Variants in RYR2 observed in about 807,000 individuals in gnomAD.
RYR2 encodes the protein cardiac muscle ryanodine receptor-calcium release channel.
RYR2 carries 227 observed loss-of-function variants against 601.1 expected under a neutral mutation model. The observed-to-expected ratio is 0.38, with a 90% confidence interval of 0.34 to 0.42. The LOEUF (loss-of-function observed/expected upper bound fraction) is 0.42. Among genes scored for constraint, RYR2 ranks in the 10% least tolerant of loss-of-function variants. RYR2 has a pLI of 1.00. For synonymous variants in RYR2, 2,223 were observed against 2,175.1 expected, an observed-to-expected ratio of 1.02 and a Z score of -0.61; for missense variants, 4,646 against 6,156.5, an observed-to-expected ratio of 0.75 and a Z score of 8.21.
intron 14 of RYR2, among the ~76,000 whole-genome samples, chr1:237,446,546 A>AT (rs35142699): frequency 1.4e-4 from 21 of 150,966 alleles, no homozygotes; most frequent in Admixed American, 8.6e-4. Flanking sequence ...GAATTGGTAA[A>AT]TTTTTTTTTT....
At chr1:237,314,214 G>A (rs1468334467) in intron 2 of RYR2, among the ~76,000 whole-genome samples, 3 of 151,658 alleles carry the variant, frequency 2.0e-5, no homozygotes, top group Non-Finnish European at 2.9e-5. Context: ...ACAGGCACCC[G>A]CAACCACGCC....
intron 2 of RYR2, among the ~76,000 whole-genome samples, chr1:237,304,350 C>T (rs1225516772): frequency 1.3e-5 from 2 of 152,176 alleles, no homozygotes; most frequent in Admixed American, 1.3e-4. Context: ...AATAATAATT[C>T]TATTTCCTCA....
intron 1 of RYR2, among the ~76,000 whole-genome samples, chr1:237,218,853 T>C (rs945694142): frequency 1.3e-5 from 2 of 152,030 alleles, no homozygotes; most frequent in Non-Finnish European, 2.9e-5. Context: ...GGGTGGTACA[T>C]CAGTTGGGAT....
intron 99 of RYR2, among the ~76,000 whole-genome samples, chr1:237,807,461 C>T (rs1660759991): frequency 6.6e-6 from 1 of 152,190 alleles, no homozygotes; most frequent in South Asian, 2.1e-4. Flanking sequence ...AAGTGATTCT[C>T]CTGCCTCAGC....
intron 2 of RYR2, among the ~76,000 whole-genome samples, chr1:237,318,125 T>C (rs533050586): frequency 3.0e-4 from 45 of 151,922 alleles, no homozygotes; most frequent in African/African-American, 9.9e-4. Context: ...TTAATTCTTA[T>C]GTACTCGGGG....
intron 29 of RYR2, among the ~76,000 whole-genome samples, chr1:237,574,929 A>G (rs955980310): frequency 2.0e-5 from 3 of 152,208 alleles, no homozygotes; most frequent in African/African-American, 7.2e-5. Context: ...ACTATGAGAT[A>G]AGAAATGAGT....
intron 2 of RYR2, among the ~76,000 whole-genome samples, chr1:237,323,769 G>T (rs1385621950): frequency 6.6e-6 from 1 of 152,114 alleles, no homozygotes; most frequent in Non-Finnish European, 1.5e-5. Flanking sequence ...TCTCTCACCT[G>T]GACCTTTCTA....
At chr1:237,730,217 AT>A (rs752693293) in intron 76 of RYR2, 42 bp from the exon 77 acceptor site, 1 of 1,130,388 alleles carries the variant, frequency 8.8e-7, no homozygotes, top group African/African-American at 1.5e-5. Flanking sequence ...ATTTCAACTT[AT>A]TTTCTAAACA....
chr1:237,788,004 AAAG>A lies in RYR2; in HGVS notation c.13350_13352del (p.Glu4451del). 2 of 1,596,002 alleles carry A rather than the reference AAAG, an allele frequency of 1.3e-6. No homozygotes were observed. Among genetic ancestry groups the A allele is most frequent in the Non-Finnish European group, 1.7e-6 (2 of 1,170,384 alleles). On this transcript the variant is annotated inframe_deletion, in exon 92 of 105. Transcript: ENST00000366574. ...TTTTCATAGGGGAGAAGATGGAGAA[AAAG>A]AAGAGAAAGCCAAGGAAGACAAGGG...
chr1:237,805,894 C>G (rs1454612476), intron 98 of RYR2, among the ~76,000 whole-genome samples: 3 of 152,126 alleles, frequency 2.0e-5, no homozygotes, highest in Non-Finnish European at 4.4e-5. Flanking sequence ...TTTTTTCTAT[C>G]TAGCTATAAC....
At chr1:237,480,154 C>A (rs927493810) in intron 17 of RYR2, among the ~76,000 whole-genome samples, 1 of 152,112 alleles carries the variant, frequency 6.6e-6, no homozygotes, top group African/African-American at 2.4e-5. Context: ...CATGGTGGCT[C>A]ATGCCTGTAA....
intron 16 of RYR2, among the ~76,000 whole-genome samples, chr1:237,462,817 T>C (rs1659630924): frequency 6.6e-6 from 1 of 152,198 alleles, no homozygotes; most frequent in Admixed American, 6.5e-5. Context: ...GGTGTTATTC[T>C]AGTGTTTGTG....
At chr1:237,595,081 C>T (rs1842090) in intron 33 of RYR2, among the ~76,000 whole-genome samples, 59,792 of 150,542 alleles carry the variant, frequency 0.4, 13,268 homozygotes, top group Admixed American at 0.51. Flanking sequence ...AAATGCTTCT[C>T]ATTTCAGAAC....
intron 93 of RYR2, 94 bp downstream of exon 93, chr1:237,791,609 G>GA: frequency 1.4e-6 from 1 of 711,718 alleles, no homozygotes; most frequent in Non-Finnish European, 2.5e-6. Flanking sequence ...TACTGCTAGT[G>GA]AACATGTCTA....
chr1:237,545,077 TA>T (rs1485454548), intron 25 of RYR2, among the ~76,000 whole-genome samples: 4 of 152,190 alleles, frequency 2.6e-5, no homozygotes, highest in Non-Finnish European at 5.9e-5. Context: ...GAAAGAAGGT[TA>T]AAAAAGTGTA....
At chr1:237,391,203 G>A (rs1348114371) in intron 10 of RYR2, among the ~76,000 whole-genome samples, 6 of 151,972 alleles carry the variant, frequency 3.9e-5, no homozygotes. Context: ...GGAACTTGGG[G>A]GAGGCAAAGG....
chr1:237,786,772 C>G lies in RYR2; in HGVS notation c.13328+736C>G, dbSNP rs185588176. 1.1e-3 allele frequency among the ~76,000 whole-genome samples: 164 copies of G among 152,300 alleles called. 1 individual carries two copies. Among genetic ancestry groups the G allele is most frequent in the Non-Finnish European group, 5.4e-4 (37 of 68,016 alleles). ...AAGAAAGAAAGGAAGCTTTTAGGTG[C>G]CTGTAGTGCCACTATTCTCCCATAG... On this transcript the variant is annotated intron_variant, in intron 91 of 104. Coordinates refer to ENST00000366574, the MANE Select transcript of RYR2 (RefSeq NM_001035.3).
intron 91 of RYR2, 49 bp from the exon 92 acceptor site, chr1:237,787,939 A>G: frequency 6.5e-7 from 1 of 1,533,052 alleles, no homozygotes; most frequent in Middle Eastern, 1.7e-4. Flanking sequence ...ACACCCGTTT[A>G]GTTCTTTAGT....
Position 237,760,814 on chromosome 1 carries a change from C to CAATGAATGGAGACCTGT in RYR2, c.11403-128_11403-127insCTGTAATGAATGGAGAC. The CAATGAATGGAGACCTGT allele has an allele frequency of 8.2e-6, 5 of 611,044 alleles. No individual in the cohort carries two copies. The South Asian group carries it at 9.9e-5, about 12-fold the overall frequency. The allele number at this position is 611,044 out of a possible 1,614,324, so 37.9% of individuals were successfully genotyped here. A position where few individuals can be genotyped will look rare whatever the true frequency, so the allele number is the denominator to read the frequency against. Reference sequence around the variant, plus strand: ...CCACTAAGAAAATACGGTTGGTACGCAATGAATGGAGACATGTTTTCAGTG... The same window carrying CAATGAATGGAGACCTGT: ...CCACTAAGAAAATACGGTTGGTACGCAATGAATGGAGACCTGTAATGAATGGAGACATGTTTTCAGTG... On this transcript the variant is annotated intron_variant, in intron 83 of 104. Transcript: ENST00000366574.
Sources: gnomAD v4.1 joint callset for allele counts (sites outside exome capture counted in the v4.1 genomes callset) on GRCh38, gnomAD v4.1.1 for gene constraint, MANE v1.5 for transcripts, NCBI Gene and HGNC (gene_info 2026-07-23, HGNC 2026-07-21) for gene names.